The following OPRM1 variants were observed in gnomAD, a reference collection of about 807,000 sequenced individuals.
OPRM1 encodes the protein opioid receptor mu 1, also known as mu-type opioid receptor.
OPRM1 carries 27 observed loss-of-function variants against 31.8 expected under a neutral mutation model. The observed-to-expected ratio is 0.85, with a 90% confidence interval of 0.63 to 1.17. The LOEUF (loss-of-function observed/expected upper bound fraction) is 1.17. OPRM1 is among the 50% of genes most tolerant of loss of function. The probability of loss-of-function intolerance (pLI) is 0.00; values close to 1 mark genes in which losing one functional copy is unlikely to be tolerated. For synonymous variants in OPRM1, 196 were observed against 189.9 expected (o/e 1.03, Z -0.26); for missense variants, 536 against 511.1 (o/e 1.05, Z -0.47).
intron 3 of OPRM1, among the ~76,000 whole-genome samples, chr6:154,208,938 T>C (rs996763455): frequency 6.6e-6 from 1 of 152,216 alleles, no homozygotes. Context: ...TGAGAATAAA[T>C]GGATGTTCTT....
chr6:154,149,861 T>C lies in OPRM1; in HGVS notation c.1164+58389T>C, dbSNP rs574157022. ...CCATCTGGCCTCTACTATTCCAGAA[T>C]TCTGTTATCCCCGTTGCTTCTAGAT... is the stretch of plus-strand genomic sequence containing the variant. On this transcript the variant is annotated intron_variant, in intron 3 of 3. Transcript: ENST00000337049. Among the ~76,000 whole-genome samples the C allele has an allele frequency of 9.2e-5, 14 of 152,264 alleles. No individual in the cohort carries two copies. The South Asian group carries it at 1.9e-3, about 20-fold the overall frequency.
intron 1 of OPRM1, among the ~76,000 whole-genome samples, chr6:154,088,110 A>AT (rs904503635): frequency 6.6e-6 from 1 of 152,156 alleles, no homozygotes; most frequent in Non-Finnish European, 1.5e-5. Flanking sequence ...AGATGAATGC[A>AT]TAAGTAATAC....
At chr6:154,091,893 G>A in intron 3 of OPRM1, 2 of 990,796 alleles carry the variant, frequency 2.0e-6, no homozygotes, top group Non-Finnish European at 2.4e-6. Context: ...TGATTAAAGA[G>A]AGAGGGTGAG....
intron 1 of OPRM1, among the ~76,000 whole-genome samples, chr6:154,042,771 C>A (rs1331914021): frequency 6.6e-6 from 1 of 152,058 alleles, no homozygotes; most frequent in African/African-American, 2.4e-5. Context: ...TTATCAGTAA[C>A]CATCACCTGA....
At chr6:154,100,267 T>C (rs907896099) in intron 3 of OPRM1, among the ~76,000 whole-genome samples, 1 of 146,626 alleles carries the variant, frequency 6.8e-6, no homozygotes, top group Non-Finnish European at 1.5e-5. Context: ...TAATATATAT[T>C]ATCATATTAT....
intron 1 of OPRM1, among the ~76,000 whole-genome samples, chr6:154,049,623 G>A (rs1781816899): frequency 6.6e-6 from 1 of 152,110 alleles, no homozygotes; most frequent in Non-Finnish European, 1.5e-5. Context: ...CACTAGTAAA[G>A]AAGAAAATCA....
chr6:154,160,517 T>C (rs1259362515), intron 3 of OPRM1, among the ~76,000 whole-genome samples: 2 of 152,250 alleles, frequency 1.3e-5, no homozygotes, highest in African/African-American at 2.4e-5. Context: ...TAAATCACAT[T>C]TATTTAATAC....
At chr6:154,238,620 T>G (rs1049530001) in intron 3 of OPRM1, among the ~76,000 whole-genome samples, 1 of 152,192 alleles carries the variant, frequency 6.6e-6, no homozygotes, top group African/African-American at 2.4e-5. Context: ...CTTCCATGTC[T>G]GTCTTCTTTT....
intron 3 of OPRM1, among the ~76,000 whole-genome samples, chr6:154,180,047 C>A (rs908060206): frequency 6.6e-6 from 1 of 152,150 alleles, no homozygotes; most frequent in African/African-American, 2.4e-5. Context: ...GAAGAGAAAG[C>A]AACTAGAGTT....
intron 1 of OPRM1, among the ~76,000 whole-genome samples, chr6:154,047,781 G>A (rs1781431981): frequency 6.6e-6 from 1 of 152,162 alleles, no homozygotes; most frequent in South Asian, 2.1e-4. Flanking sequence ...GTAAGTAGGT[G>A]TCTTCGTGTG....
At chr6:154,020,087 C>T (rs2128380869) in intron 1 of OPRM1, among the ~76,000 whole-genome samples, 3 of 152,250 alleles carry the variant, frequency 2.0e-5, no homozygotes, top group East Asian at 3.9e-4. Flanking sequence ...GGATGTACTA[C>T]AGTTTATCCA....
intron 3 of OPRM1, among the ~76,000 whole-genome samples, chr6:154,098,630 G>C (rs1204180751): frequency 6.6e-6 from 1 of 152,084 alleles, no homozygotes; most frequent in Admixed American, 6.5e-5. Flanking sequence ...CACACTAAAG[G>C]AAAGGATATT....
At chr6:154,157,746 A>C (rs1798773295) in intron 3 of OPRM1, 1 of 152,244 alleles carries the variant, frequency 6.6e-6, no homozygotes, top group African/African-American at 2.4e-5. Flanking sequence ...TATTTCTGCT[A>C]TTGTTATTTG....
chr6:154,135,280 C>T (rs1798027352), downstream of OPRM1, among the ~76,000 whole-genome samples: 2 of 152,078 alleles, frequency 1.3e-5, no homozygotes, highest in Non-Finnish European at 2.9e-5. Flanking sequence ...ACCAGCCTGG[C>T]CCACATGGCA....
chr6:154,103,374 G>C (rs1795145201), intron 3 of OPRM1, among the ~76,000 whole-genome samples: 2 of 152,136 alleles, frequency 1.3e-5, no homozygotes, highest in South Asian at 4.1e-4. Flanking sequence ...ACCTCTAAGA[G>C]GCAAGTTATC....
At chr6:154,050,315 T>C (rs1781937989) in intron 1 of OPRM1, among the ~76,000 whole-genome samples, 1 of 152,182 alleles carries the variant, frequency 6.6e-6, no homozygotes, top group South Asian at 2.1e-4. Flanking sequence ...AGCAGCACTG[T>C]CTACAACAGC....
At position 154,124,959 on chromosome 6, in the gene OPRM1, G is replaced by T. The variant is rs576469989; in HGVS notation, c.*6238G>T. Among the ~76,000 whole-genome samples, 2 of 152,212 alleles carry T rather than the reference G, an allele frequency of 1.3e-5. No individual in the cohort carries two copies. The highest frequency in any genetic ancestry group is 1.3e-4 in the Admixed American group (2 of 15,288). ...TAGCAATCTATTCAAAGTTGTAAAG[G>T]TTCTGTAGAATCTCTCAGACCAGGT... On this transcript the variant is annotated 3_prime_UTR_variant, in exon 4 of 4. Coordinates refer to ENST00000330432, the MANE Select transcript of OPRM1 (RefSeq NM_000914.5).
At chr6:154,112,222 A>C (rs939375210) in intron 3 of OPRM1, among the ~76,000 whole-genome samples, 1 of 152,238 alleles carries the variant, frequency 6.6e-6, no homozygotes, top group Non-Finnish European at 1.5e-5. Flanking sequence ...AAAGAAACCC[A>C]GCTTTAGAAA....
At chr6:154,022,644 G>A (rs1234256251) in intron 1 of OPRM1, among the ~76,000 whole-genome samples, 1 of 152,142 alleles carries the variant, frequency 6.6e-6, no homozygotes, top group African/African-American at 2.4e-5. Flanking sequence ...CAACGTCCTT[G>A]AAAGTTTCCC....
Sources: allele counts gnomAD v4.1 joint callset (sites outside exome capture counted in the v4.1 genomes callset), GRCh38; gene constraint gnomAD v4.1.1; transcripts MANE v1.5; gene names NCBI Gene and HGNC (gene_info 2026-07-23, HGNC 2026-07-21).